The following CNTNAP1 variants were observed in gnomAD, a reference collection of about 807,000 sequenced individuals.
CNTNAP1 encodes contactin associated protein 1, also known as contactin-associated protein 1.
CNTNAP1 carries 80 observed loss-of-function variants against 161.5 expected under a neutral mutation model. The observed-to-expected ratio is 0.50, with a 90% confidence interval of 0.41 to 0.60. The LOEUF (loss-of-function observed/expected upper bound fraction) is 0.60. Ranked by LOEUF, CNTNAP1 falls within the 20% of genes least tolerant of loss-of-function variation. The pLI is 0.00. For missense variants in CNTNAP1, 1,464 were observed against 1,854.8 expected, an observed-to-expected ratio of 0.79 and a Z score of 3.87; for synonymous variants, 695 against 733.1, an observed-to-expected ratio of 0.95 and a Z score of 0.84.
chr17:42,691,546 A>G lies in CNTNAP1; in HGVS notation c.2344+35A>G. 6.2e-7 allele frequency: 1 copy of G among 1,611,064 alleles called. No individual in the cohort carries two copies. The highest frequency in any genetic ancestry group is 1.3e-5 in the African/African-American group (1 of 74,834). On this transcript the variant is annotated intron_variant, in intron 15 of 23. Coordinates refer to ENST00000264638, the MANE Select transcript of CNTNAP1 (RefSeq NM_003632.3). The surrounding 1 kb of genome is among the most constrained non-coding windows in gnomAD (Gnocchi z 4.3). ...AGTCCCCTTTTGTGTGCCCTCCCAG[A>G]GCTGACTCTCCAGTTTCCAAAATCT...
In CNTNAP1 at chr17:42,691,923, T is replaced by TC. The variant is rs1423881098; in HGVS notation, c.2463dup (p.Phe822LeufsTer32). On this transcript the variant is annotated frameshift_variant, in exon 16 of 24. Transcript: ENST00000264638. LOFTEE classifies it high-confidence loss of function. This position sits in a 1 kb window ranked among gnomAD's most constrained non-coding sequence, Gnocchi z 4.3. ...TTCAGGACCTCTGCTCCCTCGGGGG[T>TC]CTTCCTAGAGAATATGGGGGGCCCT... 6.2e-7 allele frequency: 1 copy of TC among 1,613,956 alleles called. No homozygotes were observed. The highest frequency in any genetic ancestry group is 2.2e-5 in the East Asian group (1 of 44,864).
chr17:42,689,529 C>T lies in CNTNAP1; in HGVS notation c.1637C>T (p.Pro546Leu). The part of the protein sequence containing the change: ...DTCGITDRCS[P>L]NMCEHDGRCY... ...CCTGACCCCTTCCCTAGGTGCAGCC[C>T]TAACATGTGTGAGCATGATGGACGC... is the stretch of plus-strand genomic sequence containing the variant. Residue 546 changes from proline (P) to leucine (L), a missense_variant, in exon 11 of 24, where the codon CCT becomes CTT. Physicochemically the swap from Pro to Leu is moderately conservative, Grantham distance 98. Transcript: ENST00000264638. The T allele has an allele frequency of 6.2e-7, 1 of 1,613,468 alleles. No homozygotes were observed. The highest frequency in any genetic ancestry group is 1.1e-5 in the South Asian group (1 of 91,048).
chr17:42,693,439 G>A lies in CNTNAP1; in HGVS notation c.2895G>A (p.Arg965=), dbSNP rs1221381838. The A allele has an allele frequency of 6.2e-7, 1 of 1,614,206 alleles. No individual in the cohort carries two copies. Among genetic ancestry groups the A allele is most frequent in the Non-Finnish European group, 8.5e-7 (1 of 1,180,044 alleles). The part of the protein sequence containing the change: ...PNCTGHCAHP[R]LPCFHGGRCV... ...GCACAGGCCACTGTGCCCACCCTCG[G>A]CTCCCCTGTTTCCATGGAGGCCGCT... The change falls in exon 18 of 24, where the codon CGG becomes CGA. Residue 965 remains arginine (R), a synonymous_variant. Coordinates refer to ENST00000264638, the MANE Select transcript of CNTNAP1 (RefSeq NM_003632.3).
chr17:42,684,974 C>G lies in CNTNAP1; in HGVS notation c.364-17C>G. On this transcript the variant is annotated splice_polypyrimidine_tract_variant and intron_variant, in intron 3 of 23. Transcript: ENST00000264638. ...CAGAGGGCAGGACGTGGTTACTACTCTCCTCCACCCCCGCAGACCTTCTTT... is the reference window on the plus strand; with the variant it reads ...CAGAGGGCAGGACGTGGTTACTACTGTCCTCCACCCCCGCAGACCTTCTTT... The G allele has an allele frequency of 6.2e-7, 1 of 1,607,210 alleles. No homozygotes were observed. The highest frequency in any genetic ancestry group is 8.5e-7 in the Non-Finnish European group (1 of 1,178,558).
rs776434888 is a variant in CNTNAP1 at position 42,682,908 on chromosome 17, G to T, written c.67+12G>T. 6.3e-7 allele frequency: 1 copy of T among 1,595,756 alleles called. No individual in the cohort carries two copies. The highest frequency in any genetic ancestry group is 1.1e-5 in the South Asian group (1 of 88,240). ...GGGCTGGGGCTACTGTGAGTGTTGG[G>T]CTTGGAGGCAGGTGGGGTTGGGCCC... On this transcript the variant is annotated intron_variant, in intron 1 of 23. Transcript: ENST00000264638.
At chr17:42,689,288 A>T (rs970586969) in intron 10 of CNTNAP1, among the ~76,000 whole-genome samples, 3 of 151,974 alleles carry the variant, frequency 2.0e-5, no homozygotes, top group Non-Finnish European at 4.4e-5. Flanking sequence ...TAGGGGGATG[A>T]TAGGGGTAGA....
chr17:42,684,918 C>T, intron 3 of CNTNAP1, 73 bp from the exon 4 acceptor site: 1 of 1,538,602 alleles, frequency 6.5e-7, no homozygotes, highest in Non-Finnish European at 8.7e-7. Context: ...GAGCGAGACT[C>T]TGTCTCAAAA....
intron 1 of CNTNAP1, chr17:42,683,466 G>T: frequency 8.8e-7 from 1 of 1,139,522 alleles, no homozygotes; most frequent in Non-Finnish European, 1.1e-6. Context: ...TGAGGCTAGG[G>T]TTGGAGCTGG....
chr17:42,695,498 A>C (rs1356664596), intron 18 of CNTNAP1, 23 bp from the exon 19 acceptor site: 1 of 1,574,042 alleles, frequency 6.4e-7, no homozygotes, highest in East Asian at 2.3e-5. Context: ...TGGGGGCCCT[A>C]ACCTCCCTGC....
Position 42,691,890 on chromosome 17 carries a change from CCTT to C in CNTNAP1, c.2432_2434del (p.Phe811del). The stretch of plus-strand genomic sequence containing the variant: ...CGTGCCAACCACAGCCTGGATGTCT[CCTT>C]CTACTTCAGGACCTCTGCTCCCTCG... On this transcript the variant is annotated inframe_deletion, in exon 16 of 24. Coordinates refer to ENST00000264638, the MANE Select transcript of CNTNAP1 (RefSeq NM_003632.3). This position sits in a 1 kb window ranked among gnomAD's most constrained non-coding sequence, Gnocchi z 4.3. The C allele has an allele frequency of 1.9e-6, 3 of 1,614,188 alleles. No individual in the cohort carries two copies. The highest frequency in any genetic ancestry group is 2.2e-5 in the East Asian group (1 of 44,880).
Position 42,685,166 on chromosome 17 carries a change from C to T in CNTNAP1, c.511+28C>T, listed in dbSNP as rs752342751. The stretch of plus-strand genomic sequence containing the variant: ...AAGTGTGCAGAGAGCGCGGAGGGGG[C>T]CTGGGAGACAGCCTCCCCAGTTCCC... On this transcript the variant is annotated intron_variant, in intron 4 of 23. Coordinates refer to ENST00000264638, the MANE Select transcript of CNTNAP1 (RefSeq NM_003632.3). The surrounding 1 kb of genome is among the most constrained non-coding windows in gnomAD (Gnocchi z 5.0). The T allele has an allele frequency of 1.9e-6, 3 of 1,608,532 alleles. No individual in the cohort carries two copies. In the African/African-American group the frequency reaches 4.0e-5, roughly 21 times the overall value.
intron 3 of CNTNAP1, among the ~76,000 whole-genome samples, chr17:42,684,769 C>T (rs921369427): frequency 4.0e-5 from 6 of 151,494 alleles, no homozygotes; most frequent in Admixed American, 6.6e-5. Context: ...ATGAAAAATA[C>T]AAAAAAATCA....
chr17:42,693,753 A>G (rs1453136919), intron 18 of CNTNAP1, among the ~76,000 whole-genome samples: 3 of 152,192 alleles, frequency 2.0e-5, no homozygotes, highest in African/African-American at 7.2e-5. Context: ...TGGTGCAAAA[A>G]TATCTCAAAA....
chr17:42,699,012 C>T lies in CNTNAP1; in HGVS notation c.*102C>T. The T allele has an allele frequency of 9.4e-7, 1 of 1,066,032 alleles. No homozygotes were observed. The highest frequency in any genetic ancestry group is 1.3e-6 in the Non-Finnish European group (1 of 761,152). 66.0% of individuals were successfully genotyped at this position (1,066,032 alleles called of 1,614,324 possible). ...ATTTGGCTCCTCTTAGCTGGCTCTGCTCATCCAGAGGATATTCCCCCATCC... is the reference window on the plus strand; with the variant it reads ...ATTTGGCTCCTCTTAGCTGGCTCTGTTCATCCAGAGGATATTCCCCCATCC... On this transcript the variant is annotated 3_prime_UTR_variant, in exon 24 of 24. Coordinates refer to ENST00000264638, the MANE Select transcript of CNTNAP1 (RefSeq NM_003632.3).
chr17:42,685,072 G>A lies in CNTNAP1; in HGVS notation c.445G>A (p.Val149Met), dbSNP rs752115279. 6.3e-7 allele frequency: 1 copy of A among 1,579,874 alleles called. No individual in the cohort carries two copies. Among genetic ancestry groups the A allele is most frequent in the African/African-American group, 1.4e-5 (1 of 74,018 alleles). ...CTTCACTGCGCGCTACATCCGCATC[G>A]TGCCCCTGGCCTGGAACCCACGCGG... ...FHFTARYIRI[V>M]PLAWNPRGKI... The change falls in exon 4 of 24, where the codon GTG becomes ATG. Residue 149 changes from valine (V) to methionine (M), a missense_variant. Coordinates refer to ENST00000264638, the MANE Select transcript of CNTNAP1 (RefSeq NM_003632.3). This position sits in a 1 kb window ranked among gnomAD's most constrained non-coding sequence, Gnocchi z 5.0.
At position 42,697,343 on chromosome 17, in the gene CNTNAP1, G is replaced by A. The variant is rs2053164537; in HGVS notation, c.3544G>A (p.Ala1182Thr). The change falls in exon 21 of 24, where the codon GCC becomes ACC. Residue 1182 changes from alanine to threonine, a missense_variant. Ala to Thr is a moderately conservative substitution (Grantham distance 58). Transcript: ENST00000264638. ...LVDSQLDSPK[A>T]LYLGRVMETG... ...GGACAGCCAGTTGGACTCACCCAAG[G>A]CCTTGTATTTAGGGCGTGTGATGGG... is the stretch of plus-strand genomic sequence containing the variant. 1 of 1,614,106 alleles carries A rather than the reference G, an allele frequency of 6.2e-7. No homozygotes were observed. Among genetic ancestry groups the A allele is most frequent in the South Asian group, 1.1e-5 (1 of 91,072 alleles).
intron 12 of CNTNAP1, 142 bp downstream of exon 12, chr17:42,690,349 T>C: frequency 9.3e-7 from 1 of 1,069,852 alleles, no homozygotes; most frequent in Non-Finnish European, 1.4e-6. Context: ...TAACCTAGCC[T>C]TAAAAGTAAA....
intron 23 of CNTNAP1, 27 bp downstream of exon 23, chr17:42,697,977 C>T (rs376590409): frequency 1.9e-6 from 3 of 1,613,234 alleles, no homozygotes. Flanking sequence ...ACTAAGCTGA[C>T]CTCCCAAGAC....
In CNTNAP1 at chr17:42,699,040, C is replaced by A. The variant is rs572486716; in HGVS notation, c.*130C>A. On this transcript the variant is annotated 3_prime_UTR_variant, in exon 24 of 24. Transcript: ENST00000264638. Reference sequence around the variant, plus strand: ...ATCCAGAGGATATTCCCCCATCCCCCCCCCATCAAGTTTGGTGGGCAGAGC... The same window carrying A: ...ATCCAGAGGATATTCCCCCATCCCCACCCCATCAAGTTTGGTGGGCAGAGC... The A allele has an allele frequency of 2.4e-5, 18 of 737,702 alleles. No homozygotes were observed. In the Middle Eastern group the frequency reaches 1.2e-3, roughly 49 times the overall value. 45.7% of individuals were successfully genotyped at this position (737,702 alleles called of 1,614,324 possible). A position where few individuals can be genotyped will look rare whatever the true frequency, so the allele number is the denominator to read the frequency against.
Sources: allele counts gnomAD v4.1 joint callset (sites outside exome capture counted in the v4.1 genomes callset), GRCh38; gene constraint gnomAD v4.1.1; non-coding constraint Gnocchi (gnomAD v3.1); transcripts MANE v1.5; gene names NCBI Gene and HGNC (gene_info 2026-07-23, HGNC 2026-07-21).